Variants in OPCML observed in about 807,000 individuals in gnomAD.
OPCML encodes opioid binding protein/cell adhesion molecule like.
A neutral mutation model predicts 37.8 loss-of-function variants in OPCML; 13 were observed. That is an observed-to-expected ratio of 0.34 (90% confidence interval 0.22 to 0.55). OPCML has a LOEUF of 0.55. OPCML is among the 20% of genes least tolerant of loss of function. OPCML has a pLI of 0.91. For synonymous variants in OPCML, 176 were observed against 168.8 expected, an observed-to-expected ratio of 1.04 and a Z score of -0.33; for missense variants, 341 against 435.6, an observed-to-expected ratio of 0.78 and a Z score of 1.93.
intron 7 of OPCML, among the ~76,000 whole-genome samples, chr11:132,428,345 GGAA>G (rs2095984543): frequency 6.6e-6 from 1 of 152,158 alleles, no homozygotes; most frequent in African/African-American, 2.4e-5. Context: ...CTCATTGGCT[GGAA>G]GATATATTTA....
At chr11:133,417,991 G>T in intron 1 of OPCML, 2 of 818,980 alleles carry the variant, frequency 2.4e-6, no homozygotes, top group Non-Finnish European at 2.9e-6. Flanking sequence ...TTTGTTCCTT[G>T]CGAGACGTAG....
At chr11:132,428,333 C>T (rs1391991506) in intron 7 of OPCML, among the ~76,000 whole-genome samples, 1 of 152,172 alleles carries the variant, frequency 6.6e-6, no homozygotes, top group East Asian at 1.9e-4. Flanking sequence ...ATAACTGATG[C>T]CCTCATTGGC....
chr11:132,725,711 T>TTC (rs1298156105), intron 2 of OPCML, among the ~76,000 whole-genome samples: 1 of 151,536 alleles, frequency 6.6e-6, no homozygotes, highest in Non-Finnish European at 1.5e-5. Flanking sequence ...GCTTAGAAAT[T>TTC]TCTCTGCCAG....
chr11:133,518,423 G>T (rs944609394), intron 1 of OPCML, among the ~76,000 whole-genome samples: 1 of 151,990 alleles, frequency 6.6e-6, no homozygotes, highest in Admixed American at 6.6e-5. Flanking sequence ...GCATGGATGG[G>T]TTTGTGTGTA....
intron 1 of OPCML, among the ~76,000 whole-genome samples, chr11:133,207,581 G>A (rs540497002): frequency 6.6e-6 from 1 of 152,230 alleles, no homozygotes; most frequent in Non-Finnish European, 1.5e-5. Context: ...AAACGGCGGC[G>A]GTTGGGCTAG....
chr11:132,603,817 T>C lies in OPCML; in HGVS notation c.379+53270A>G, dbSNP rs145443759. ...TTCTTGCTTTCTAACTCTTTAATTG[T>C]ACTATATCTTCCTAATTAACTCATT... On this transcript the variant is annotated intron_variant, in intron 3 of 7. Coordinates refer to ENST00000524381, the MANE Select transcript of OPCML (RefSeq NM_001012393.5). 1.2e-3 allele frequency among the ~76,000 whole-genome samples: 184 copies of C among 152,340 alleles called. 1 individual carries two copies. The highest frequency in any genetic ancestry group is 4.1e-3 in the African/African-American group (170 of 41,582).
chr11:132,831,353 T>G (rs1448444599), intron 2 of OPCML, among the ~76,000 whole-genome samples: 6 of 152,068 alleles, frequency 3.9e-5, no homozygotes, highest in African/African-American at 1.2e-4. Flanking sequence ...GGTAAAATGA[T>G]TTTCAGTCAA....
intron 4 of OPCML, among the ~76,000 whole-genome samples, chr11:132,461,692 T>C (rs1172991216): frequency 6.6e-6 from 1 of 152,124 alleles, no homozygotes; most frequent in African/African-American, 2.4e-5. Flanking sequence ...GACTGGATAA[T>C]TTATAAAAGA....
chr11:132,753,269 G>T lies in OPCML; in HGVS notation c.147-95950C>A, dbSNP rs75259332. ...CTTCCATTTCAGAGCACTTATCCCA[G>T]TAAGCAATTAAATAATAATTTAATT... is the stretch of plus-strand genomic sequence containing the variant. On this transcript the variant is annotated intron_variant, in intron 2 of 7. Transcript: ENST00000524381. Among the ~76,000 whole-genome samples, 211 of 152,176 alleles carry T rather than the reference G, an allele frequency of 1.4e-3. 1 individual carries two copies. The highest frequency in any genetic ancestry group is 4.9e-3 in the African/African-American group (202 of 41,502).
chr11:133,400,448 A>G (rs901622043), intron 1 of OPCML, among the ~76,000 whole-genome samples: 1 of 152,146 alleles, frequency 6.6e-6, no homozygotes, highest in Non-Finnish European at 1.5e-5. Flanking sequence ...TCAGGACAAT[A>G]TTTTGCATTC....
chr11:132,634,187 C>T (rs1347946148), intron 3 of OPCML, among the ~76,000 whole-genome samples: 5 of 152,182 alleles, frequency 3.3e-5, no homozygotes, highest in Non-Finnish European at 7.3e-5. Context: ...TATGCCCAGC[C>T]TGGCTTCCAG....
intron 1 of OPCML, among the ~76,000 whole-genome samples, chr11:133,030,980 T>A: frequency 6.6e-6 from 1 of 152,198 alleles, no homozygotes; most frequent in South Asian, 2.1e-4. Flanking sequence ...GTTTTTACTG[T>A]TTCTTCGTGT....
intron 3 of OPCML, among the ~76,000 whole-genome samples, chr11:132,550,776 C>T (rs957884670): frequency 5.9e-5 from 9 of 152,240 alleles, no homozygotes; most frequent in African/African-American, 1.4e-4. Context: ...CTACACTCCA[C>T]CTGCCTGGTT....
At chr11:133,063,016 G>A (rs895286261) in intron 1 of OPCML, among the ~76,000 whole-genome samples, 1 of 152,220 alleles carries the variant, frequency 6.6e-6, no homozygotes, top group Non-Finnish European at 1.5e-5. Flanking sequence ...CCATGGCCGG[G>A]GGCCAGCATG....
At chr11:132,714,407 C>A (rs375925643) in intron 2 of OPCML, among the ~76,000 whole-genome samples, 1 of 152,122 alleles carries the variant, frequency 6.6e-6, no homozygotes, top group Admixed American at 6.5e-5. Context: ...ATGTGCGGCA[C>A]AGAGTAGAAA....
intron 1 of OPCML, among the ~76,000 whole-genome samples, chr11:133,171,843 G>A (rs1018832077): frequency 8.5e-5 from 13 of 152,202 alleles, no homozygotes; most frequent in Non-Finnish European, 1.5e-4. Flanking sequence ...CCTCCTTAGG[G>A]GAGAGAAGAG....
intron 4 of OPCML, among the ~76,000 whole-genome samples, chr11:132,526,488 GT>G (rs1462346272): frequency 1.3e-5 from 2 of 152,010 alleles, no homozygotes; most frequent in Non-Finnish European, 2.9e-5. Context: ...GACATTCTAG[GT>G]TTTAATAGCT....
intron 1 of OPCML, among the ~76,000 whole-genome samples, chr11:133,322,727 G>T (rs1299264463): frequency 2.0e-5 from 3 of 151,940 alleles, no homozygotes; most frequent in Admixed American, 6.6e-5. Context: ...ACACATTTTC[G>T]CATCCAATCC....
chr11:133,218,668 C>A (rs1939689080), intron 1 of OPCML, among the ~76,000 whole-genome samples: 1 of 152,158 alleles, frequency 6.6e-6, no homozygotes, highest in South Asian at 2.1e-4. Flanking sequence ...CAGAGACACA[C>A]ATGCAACTGC....
Sources: allele counts gnomAD v4.1 joint callset (sites outside exome capture counted in the v4.1 genomes callset), GRCh38; gene constraint gnomAD v4.1.1; transcripts MANE v1.5; gene names NCBI Gene and HGNC (gene_info 2026-07-23, HGNC 2026-07-21).